The following GARRE1 variants were observed in gnomAD, a reference collection of about 807,000 sequenced individuals.
The protein encoded by GARRE1 is granule associated Rac and RHOG effector protein 1.
A neutral mutation model predicts 103.2 loss-of-function variants in GARRE1; 49 were observed. The ratio of observed to expected loss-of-function variants is 0.47; its 90% confidence interval spans 0.38 to 0.60. GARRE1 has a LOEUF of 0.60. GARRE1 is among the 20% of genes least tolerant of loss of function. The pLI is 0.00. For missense variants in GARRE1, 1,199 were observed against 1,370.5 expected (o/e 0.87, Z 1.98); for synonymous variants, 505 against 532.8 (o/e 0.95, Z 0.72).
chr19:34,287,068 G>A (rs559115364), intron 1 of GARRE1, among the ~76,000 whole-genome samples: 87 of 151,660 alleles, frequency 5.7e-4, no homozygotes, highest in Non-Finnish European at 9.1e-4. Flanking sequence ...GAACCCAGGG[G>A]GCGGAGCTTG....
In GARRE1 at chr19:34,315,876, T is replaced by C. The variant is rs2074058075; in HGVS notation, c.496-4031T>C. On this transcript the variant is annotated intron_variant, in intron 2 of 13. Coordinates refer to ENST00000299505, the MANE Select transcript of GARRE1 (RefSeq NM_014686.5). ...CATCCTTAGCAGCAGATGTTGTGTG[T>C]GTGCAAGGGAATAGGAAGGTAAAGA... is the stretch of plus-strand genomic sequence containing the variant. Among the ~76,000 whole-genome samples, 5 of 152,302 alleles carry C rather than the reference T, an allele frequency of 3.3e-5. No individual in the cohort carries two copies. The South Asian group carries it at 1.0e-3, about 32-fold the overall frequency.
chr19:34,296,565 T>C (rs2073948849), intron 1 of GARRE1: 1 of 1,592,510 alleles, frequency 6.3e-7, no homozygotes, highest in Non-Finnish European at 8.5e-7. Flanking sequence ...CTTGGCATTG[T>C]TGGCCTGCAT....
At chr19:34,276,367 G>C (rs1160439474) in intron 1 of GARRE1, among the ~76,000 whole-genome samples, 2 of 152,008 alleles carry the variant, frequency 1.3e-5, no homozygotes, top group African/African-American at 4.8e-5. Flanking sequence ...CATCAGTTTT[G>C]GCAAGGTAAA....
At chr19:34,352,513 T>C in intron 13 of GARRE1, 134 bp from the exon 14 acceptor site, 2 of 714,612 alleles carry the variant, frequency 2.8e-6, no homozygotes, top group South Asian at 3.4e-5. Flanking sequence ...AGAAGTTCTG[T>C]TGGACAGGGG....
chr19:34,255,065 G>A (rs1230671344), intron 1 of GARRE1, among the ~76,000 whole-genome samples: 1 of 151,980 alleles, frequency 6.6e-6, no homozygotes, highest in African/African-American at 2.4e-5. Flanking sequence ...CCGGGGAGGC[G>A]GCCCTCACGC....
At chr19:34,318,186 C>T (rs538227842) in intron 2 of GARRE1, among the ~76,000 whole-genome samples, 1 of 152,314 alleles carries the variant, frequency 6.6e-6, no homozygotes, top group South Asian at 2.1e-4. Flanking sequence ...GCCCCTGCTT[C>T]TCCAAGAAGA....
intron 3 of GARRE1, among the ~76,000 whole-genome samples, chr19:34,324,078 C>T (rs529904820): frequency 6.6e-6 from 1 of 152,226 alleles, no homozygotes; most frequent in African/African-American, 2.4e-5. Flanking sequence ...AGGCTTGCCC[C>T]GTGCTGGCCT....
chr19:34,330,953 G>A (rs1387991719), intron 7 of GARRE1, among the ~76,000 whole-genome samples: 3 of 149,830 alleles, frequency 2.0e-5, no homozygotes, highest in African/African-American at 7.4e-5. Context: ...AGGCTGGAGT[G>A]CAGTGGCGTG....
chr19:34,306,250 T>TA (rs2074007079), intron 2 of GARRE1, among the ~76,000 whole-genome samples: 2 of 152,228 alleles, frequency 1.3e-5, no homozygotes, highest in Admixed American at 6.5e-5. Flanking sequence ...GCAAGGCCTC[T>TA]ACTCAGGAGC....
chr19:34,271,981 G>A (rs1253720504), intron 1 of GARRE1, among the ~76,000 whole-genome samples: 1 of 152,164 alleles, frequency 6.6e-6, no homozygotes, highest in Non-Finnish European at 1.5e-5. Context: ...TAGTGCAAGG[G>A]TAAGGAGGAA....
intron 1 of GARRE1, among the ~76,000 whole-genome samples, chr19:34,294,978 A>G (rs980508996): frequency 5.3e-5 from 8 of 152,224 alleles, no homozygotes; most frequent in African/African-American, 1.9e-4. Context: ...TGGCCAGCCA[A>G]CTGGACATTT....
At chr19:34,254,801 A>G (rs1486494655) in intron 1 of GARRE1, among the ~76,000 whole-genome samples, 187 bp downstream of exon 1, 1 of 148,934 alleles carries the variant, frequency 6.7e-6, no homozygotes, top group Non-Finnish European at 1.5e-5. Flanking sequence ...GCTGTGGAGG[A>G]CGCCGGGCTT....
At chr19:34,330,447 A>G (rs2074132200) in intron 7 of GARRE1, 100 bp downstream of exon 7, 2 of 1,253,078 alleles carry the variant, frequency 1.6e-6, no homozygotes, top group Non-Finnish European at 2.2e-6. Context: ...TGAATAATTT[A>G]AAAAGTTATT....
At chr19:34,307,450 T>G (rs981426003) in intron 2 of GARRE1, among the ~76,000 whole-genome samples, 3 of 151,692 alleles carry the variant, frequency 2.0e-5, no homozygotes, top group Non-Finnish European at 4.4e-5. Flanking sequence ...TTTTATAAAT[T>G]CCAGCATTTT....
At chr19:34,326,206 A>G (rs944714065) in intron 3 of GARRE1, among the ~76,000 whole-genome samples, 2 of 152,262 alleles carry the variant, frequency 1.3e-5, no homozygotes, top group Non-Finnish European at 2.9e-5. Flanking sequence ...TGGTGTTTAC[A>G]TACAGTTTGT....
intron 1 of GARRE1, among the ~76,000 whole-genome samples, chr19:34,271,626 G>A (rs1393423083): frequency 6.6e-6 from 1 of 152,084 alleles, no homozygotes; most frequent in East Asian, 1.9e-4. Flanking sequence ...TTTGGGAGCC[G>A]AGGCAGAAGG....
At chr19:34,268,091 T>A (rs998068540) in intron 1 of GARRE1, among the ~76,000 whole-genome samples, 5 of 151,772 alleles carry the variant, frequency 3.3e-5, no homozygotes, top group African/African-American at 9.7e-5. Flanking sequence ...TTTTTTTTTT[T>A]AAATCTACTT....
intron 8 of GARRE1, among the ~76,000 whole-genome samples, chr19:34,339,516 C>A (rs531002083): frequency 6.6e-6 from 1 of 152,280 alleles, no homozygotes; most frequent in East Asian, 1.9e-4. Context: ...ACCCGATGGT[C>A]TGATGATTTT....
intron 1 of GARRE1, among the ~76,000 whole-genome samples, chr19:34,282,309 A>C (rs2073860252): frequency 1.3e-5 from 2 of 151,940 alleles, no homozygotes; most frequent in African/African-American, 4.8e-5. Context: ...ACGCCACCAC[A>C]CCAGGCTAAT....
Sources: gnomAD v4.1 joint callset for allele counts (sites outside exome capture counted in the v4.1 genomes callset) on GRCh38, gnomAD v4.1.1 for gene constraint, MANE v1.5 for transcripts, NCBI Gene and HGNC (gene_info 2026-07-23, HGNC 2026-07-21) for gene names.